The following PIK3C2G variants were observed in gnomAD, a reference collection of about 807,000 sequenced individuals.
The protein encoded by PIK3C2G is phosphatidylinositol 3-kinase C2 domain-containing subunit gamma.
PIK3C2G carries 168 observed loss-of-function variants against 181.1 expected under a neutral mutation model. That is an observed-to-expected ratio of 0.93 (90% CI 0.82 to 1.05). The LOEUF (loss-of-function observed/expected upper bound fraction) is 1.05. Among genes scored for constraint, PIK3C2G ranks in the 50% least tolerant of loss-of-function variants. PIK3C2G has a pLI of 0.00. For synonymous variants in PIK3C2G, 573 were observed against 592.2 expected, an observed-to-expected ratio of 0.97 and a Z score of 0.47; for missense variants, 1,869 against 1,732.8, an observed-to-expected ratio of 1.08 and a Z score of -1.40.
intron 5 of PIK3C2G, among the ~76,000 whole-genome samples, chr12:18,311,654 C>A (rs1591915347): frequency 1.3e-5 from 2 of 151,632 alleles, no homozygotes; most frequent in South Asian, 2.1e-4. Flanking sequence ...GTATCAAATA[C>A]TACATGAAAT....
At chr12:18,505,183 C>T in intron 23 of PIK3C2G, 109 bp from the exon 24 acceptor site, 2 of 909,594 alleles carry the variant, frequency 2.2e-6, no homozygotes, top group Admixed American at 3.0e-5. Context: ...GAAATTTTTC[C>T]TGATTATGTA....
intron 26 of PIK3C2G, among the ~76,000 whole-genome samples, chr12:18,557,544 T>C (rs1945075969): frequency 6.6e-6 from 1 of 152,120 alleles, no homozygotes; most frequent in Non-Finnish European, 1.5e-5. Flanking sequence ...CGCTTAACAG[T>C]AAACATTGAA....
At chr12:18,604,350 C>T (rs571389629) in intron 30 of PIK3C2G, among the ~76,000 whole-genome samples, 4 of 152,088 alleles carry the variant, frequency 2.6e-5, no homozygotes, top group African/African-American at 9.7e-5. Flanking sequence ...CTATCACAAA[C>T]CTAAACATAT....
intron 11 of PIK3C2G, among the ~76,000 whole-genome samples, chr12:18,358,211 C>G (rs1377778177): frequency 1.3e-5 from 2 of 152,180 alleles, no homozygotes; most frequent in Non-Finnish European, 2.9e-5. Flanking sequence ...CTTCTGCTAA[C>G]TTTAGGCTGA....
the PIK3C2G span, chr12:18,705,182 G>A: frequency 6.8e-6 from 11 of 1,613,928 alleles, no homozygotes; most frequent in African/African-American, 6.7e-5. Flanking sequence ...TGATGGTAGA[G>A]TATCAGGAAA....
chr12:18,433,839 CT>C (rs1946298205), intron 18 of PIK3C2G, among the ~76,000 whole-genome samples: 1 of 152,096 alleles, frequency 6.6e-6, no homozygotes, highest in African/African-American at 2.4e-5. Context: ...GTTTGGTTTC[CT>C]TCCAACTAAA....
At chr12:18,459,654 T>C (rs1947813349) in intron 18 of PIK3C2G, among the ~76,000 whole-genome samples, 2 of 152,228 alleles carry the variant, frequency 1.3e-5, no homozygotes, top group African/African-American at 4.8e-5. Context: ...TGTTGCATGC[T>C]TAACCTATGC....
chr12:18,511,571 G>A (rs1172318948), intron 24 of PIK3C2G, among the ~76,000 whole-genome samples: 3 of 151,974 alleles, frequency 2.0e-5, no homozygotes, highest in African/African-American at 7.2e-5. Flanking sequence ...TTGATAATTA[G>A]TGATGCCTAA....
intron 1 of PIK3C2G, among the ~76,000 whole-genome samples, chr12:18,248,290 C>T (rs1321797078): frequency 6.6e-6 from 1 of 152,002 alleles, no homozygotes; most frequent in Non-Finnish European, 1.5e-5. Flanking sequence ...AGAATTCTTC[C>T]GGGCGGGCGC....
At chr12:18,696,418 G>T in the PIK3C2G span, 1 of 209,522 alleles carries the variant, frequency 4.8e-6, no homozygotes, top group African/African-American at 2.7e-5. Context: ...TGCAATTCAT[G>T]AATATCAAAA....
rs139605029 is a variant in PIK3C2G, at chr12:18,407,551, C to G, written c.2315+7704C>G. Among the ~76,000 whole-genome samples the G allele has an allele frequency of 7.0e-3, 1,061 of 152,178 alleles. 6 individuals are homozygous for G. The highest frequency in any genetic ancestry group is 0.019 in the African/African-American group (774 of 41,528). ...TGAAACTAGCAAAAAGAAACATGAT[C>G]TTTATTCATGGTCTTGCAATCTTCT... On this transcript the variant is annotated intron_variant, in intron 16 of 32. Coordinates refer to ENST00000538779, the MANE Select transcript of PIK3C2G (RefSeq NM_001288772.2).
At chr12:18,569,302 C>T (rs1945802648) in intron 29 of PIK3C2G, among the ~76,000 whole-genome samples, 1 of 151,752 alleles carries the variant, frequency 6.6e-6, no homozygotes, top group African/African-American at 2.4e-5. Context: ...TGTTCCAGTC[C>T]CCAGCTGGGA....
chr12:18,576,013 C>A (rs1946216946), intron 29 of PIK3C2G, among the ~76,000 whole-genome samples: 1 of 152,114 alleles, frequency 6.6e-6, no homozygotes, highest in Admixed American at 6.5e-5. Flanking sequence ...ATTCTTATAT[C>A]TTATCAAGTT....
At chr12:18,516,261 G>GTTTTT (rs34294540) in intron 24 of PIK3C2G, among the ~76,000 whole-genome samples, 1 of 138,374 alleles carries the variant, frequency 7.2e-6, no homozygotes. Context: ...TTGACTGATG[G>GTTTTT]TTTTTTTTTT....
intron 31 of PIK3C2G, among the ~76,000 whole-genome samples, chr12:18,639,412 C>A (rs1047890115): frequency 2.6e-5 from 4 of 152,036 alleles, no homozygotes; most frequent in African/African-American, 9.7e-5. Flanking sequence ...TTGAAAATTA[C>A]TGATTTAATA....
chr12:18,350,522 G>A (rs1940125542), intron 11 of PIK3C2G, among the ~76,000 whole-genome samples: 1 of 152,122 alleles, frequency 6.6e-6, no homozygotes, highest in Admixed American at 6.5e-5. Flanking sequence ...CCCTTTTTAT[G>A]GGGAAGATTC....
intron 18 of PIK3C2G, among the ~76,000 whole-genome samples, chr12:18,446,232 GC>G (rs1320702459): frequency 6.6e-6 from 1 of 152,030 alleles, no homozygotes; most frequent in Non-Finnish European, 1.5e-5. Context: ...TCTTCTGTTT[GC>G]CTCTTAAGAC....
the PIK3C2G span, among the ~76,000 whole-genome samples, chr12:18,681,102 G>A: frequency 0.017 from 2,577 of 152,060 alleles, 40 homozygotes; most frequent in Middle Eastern, 0.051. Context: ...CTGTGTCCGG[G>A]TTGATGCTCT....
At chr12:18,394,355 A>G (rs1485069067) in intron 15 of PIK3C2G, among the ~76,000 whole-genome samples, 1 of 152,086 alleles carries the variant, frequency 6.6e-6, no homozygotes, top group Admixed American at 6.6e-5. Flanking sequence ...TCAATAATGT[A>G]CTTTTCTAAA....
Sources: allele counts gnomAD v4.1 joint callset (sites outside exome capture counted in the v4.1 genomes callset), GRCh38; gene constraint gnomAD v4.1.1; transcripts MANE v1.5; gene names NCBI Gene and HGNC (gene_info 2026-07-23, HGNC 2026-07-21).